The following ARHGAP26 variants were observed in gnomAD, a reference collection of about 807,000 sequenced individuals.
The protein encoded by ARHGAP26 is rho GTPase-activating protein 26.
ARHGAP26 carries 38 observed loss-of-function variants against 104.8 expected under a neutral mutation model. The observed-to-expected ratio is 0.36, with a 90% CI of 0.28 to 0.48. The LOEUF is 0.48. ARHGAP26 is among the 20% of genes least tolerant of loss of function. The pLI is 0.99. For missense variants in ARHGAP26, 704 were observed against 947.9 expected (o/e 0.74, Z 3.38); for synonymous variants, 341 against 340.0 (o/e 1.00, Z -0.03).
At chr5:142,881,131 C>T (rs976033359) in intron 4 of ARHGAP26, among the ~76,000 whole-genome samples, 4 of 152,228 alleles carry the variant, frequency 2.6e-5, no homozygotes, top group African/African-American at 9.6e-5. Context: ...CCGCAGGGCT[C>T]CTCTTGGTGG....
intron 18 of ARHGAP26, 135 bp from the exon 19 acceptor site, chr5:143,133,832 C>G: frequency 1.3e-6 from 1 of 794,672 alleles, no homozygotes; most frequent in Non-Finnish European, 1.9e-6. Flanking sequence ...AAGTCTTGAA[C>G]AACTGCCAGT....
intron 14 of ARHGAP26, among the ~76,000 whole-genome samples, chr5:143,052,758 A>T (rs1785231860): frequency 6.6e-6 from 1 of 152,156 alleles, no homozygotes; most frequent in Non-Finnish European, 1.5e-5. Context: ...TTCTATTTGG[A>T]TGAAAGTGGT....
At chr5:143,009,045 C>T (rs114341532) in intron 11 of ARHGAP26, among the ~76,000 whole-genome samples, 4,191 of 152,128 alleles carry the variant, frequency 0.028, 70 homozygotes, top group South Asian at 0.045. Context: ...ATTGCAGTGC[C>T]CTGTGATTTG....
chr5:142,865,477 A>C lies in ARHGAP26; in HGVS notation c.155-7923A>C, dbSNP rs557029131. 1.3e-4 allele frequency among the ~76,000 whole-genome samples: 18 copies of C among 142,760 alleles called. 2 individuals are homozygous for C. In the East Asian group the frequency reaches 4.3e-3, roughly 34 times the overall value. The allele number at this position is 142,760 out of a possible 152,430, so 93.7% of individuals were successfully genotyped here. On this transcript the variant is annotated intron_variant, in intron 1 of 22. Coordinates refer to ENST00000645722, the MANE Select transcript of ARHGAP26 (RefSeq NM_001135608.3). ...GAACTTGGAGTTTTCAACACGGAGAAGTTTTTTTTTTTTTTTTTTTTTTTG... is the reference window on the plus strand; with the variant it reads ...GAACTTGGAGTTTTCAACACGGAGACGTTTTTTTTTTTTTTTTTTTTTTTG...
Position 142,949,184 on chromosome 5 carries a change from A to AGAGAGAGAGAGAGAGAGAGAG in ARHGAP26, c.1107+17060_1107+17080dup, listed in dbSNP as rs1767718021. ...AATTTCCAGAGAGAGAGAGAGAGAG[A>AGAGAGAGAGAGAGAGAGAGAG]GAGAGAGAGAGAGAGAGAGAGAGAG... is the stretch of plus-strand genomic sequence containing the variant. On this transcript the variant is annotated intron_variant, in intron 11 of 22. Coordinates refer to ENST00000645722, the MANE Select transcript of ARHGAP26 (RefSeq NM_001135608.3). 2.6e-4 allele frequency among the ~76,000 whole-genome samples: 6 copies of AGAGAGAGAGAGAGAGAGAGAG among 23,432 alleles called. 1 individual carries two copies. Among genetic ancestry groups the AGAGAGAGAGAGAGAGAGAGAG allele is most frequent in the South Asian group, 2.7e-3 (1 of 374 alleles). The allele number at this position is 23,432 out of a possible 152,430, so 15.4% of individuals were successfully genotyped here.
chr5:143,056,316 C>CTTTT lies in ARHGAP26; in HGVS notation c.1432+251_1432+254dup, dbSNP rs10672936. Among the ~76,000 whole-genome samples the CTTTT allele has an allele frequency of 1.1e-3, 85 of 80,058 alleles. 1 individual carries two copies. The highest frequency in any genetic ancestry group is 2.0e-3 in the African/African-American group (43 of 20,986). The allele number at this position is 80,058 out of a possible 152,430, so 52.5% of individuals were successfully genotyped here. ...AGCAGAGGACAGAAACTTCAGAAGT[C>CTTTT]TTTTTTTTTTTTTTTTTTTTTTTTG... On this transcript the variant is annotated intron_variant, in intron 16 of 22. Coordinates refer to ENST00000645722, the MANE Select transcript of ARHGAP26 (RefSeq NM_001135608.3).
At chr5:142,869,144 C>T (rs1249588527) in intron 1 of ARHGAP26, among the ~76,000 whole-genome samples, 4 of 152,014 alleles carry the variant, frequency 2.6e-5, no homozygotes, top group Non-Finnish European at 5.9e-5. Context: ...CAAGTTCTAA[C>T]CTCAATGATG....
At chr5:143,087,930 T>G (rs1418174611) in intron 17 of ARHGAP26, among the ~76,000 whole-genome samples, 1 of 152,182 alleles carries the variant, frequency 6.6e-6, no homozygotes, top group East Asian at 1.9e-4. Context: ...ATTACAGGCA[T>G]GAGCCACCAC....
rs947234071 is a variant in ARHGAP26, at chr5:143,166,156, G to T, written c.1988+18775G>T. The T allele has an allele frequency of 1.7e-5, 21 of 1,202,138 alleles. No homozygotes were observed. In the South Asian group the frequency reaches 2.8e-4, roughly 16 times the overall value. The allele number at this position is 1,202,138 out of a possible 1,614,324, so 74.5% of individuals were successfully genotyped here. ...ATATCTCAATTAAAGAATAACACAC[G>T]CCCTTCCCCTAACTCATCTAGAACA... On this transcript the variant is annotated intron_variant, in intron 20 of 22. Coordinates refer to ENST00000645722, the MANE Select transcript of ARHGAP26 (RefSeq NM_001135608.3).
intron 11 of ARHGAP26, among the ~76,000 whole-genome samples, chr5:143,007,757 T>C (rs1778195265): frequency 6.6e-6 from 1 of 152,252 alleles, no homozygotes; most frequent in East Asian, 1.9e-4. Context: ...AAACGCTTAG[T>C]ATGGTGTTTG....
intron 20 of ARHGAP26, among the ~76,000 whole-genome samples, chr5:143,155,453 T>C (rs1181463291): frequency 6.6e-6 from 1 of 152,218 alleles, no homozygotes; most frequent in Non-Finnish European, 1.5e-5. Context: ...TGGTTGAGGG[T>C]GGAAATTCCT....
intron 19 of ARHGAP26, among the ~76,000 whole-genome samples, chr5:143,141,147 A>G (rs975878442): frequency 1.6e-4 from 25 of 152,330 alleles, no homozygotes; most frequent in African/African-American, 5.3e-4. Context: ...TGGGTTAACT[A>G]TGTGTAATTA....
intron 14 of ARHGAP26, among the ~76,000 whole-genome samples, chr5:143,047,817 TTTTTG>T: frequency 6.6e-6 from 1 of 152,258 alleles, no homozygotes; most frequent in Admixed American, 6.5e-5. Flanking sequence ...AAAAAAATTT[TTTTTG>T]TTTTATTTTT....
intron 20 of ARHGAP26, among the ~76,000 whole-genome samples, chr5:143,200,450 T>C (rs1807521197): frequency 6.6e-6 from 1 of 152,014 alleles, no homozygotes; most frequent in South Asian, 2.1e-4. Flanking sequence ...AATAAGAAAA[T>C]GGTTACAGAA....
intron 1 of ARHGAP26, among the ~76,000 whole-genome samples, chr5:142,867,677 G>A (rs1476444739): frequency 1.3e-5 from 2 of 152,106 alleles, no homozygotes; most frequent in Non-Finnish European, 2.9e-5. Context: ...AGCTTCCTTG[G>A]TATAGGTGAG....
chr5:143,012,556 T>TATA lies in ARHGAP26; in HGVS notation c.1108-1523_1108-1521dup, dbSNP rs1778975948. Among the ~76,000 whole-genome samples, 3 of 59,110 alleles carry TATA rather than the reference T, an allele frequency of 5.1e-5. 1 individual carries two copies. The highest frequency in any genetic ancestry group is 1.2e-4 in the Non-Finnish European group (3 of 24,368). 38.8% of individuals were successfully genotyped at this position (59,110 alleles called of 152,430 possible). A position where few individuals can be genotyped will look rare whatever the true frequency, so the allele number is the denominator to read the frequency against. On this transcript the variant is annotated intron_variant, in intron 11 of 22. Transcript: ENST00000645722. Reference sequence around the variant, plus strand: ...ATATATTTATATACATACATACATATATATATATATATATATATATTATGA... The same window carrying TATA: ...ATATATTTATATACATACATACATATATAATATATATATATATATATATTATGA...
intron 20 of ARHGAP26, among the ~76,000 whole-genome samples, chr5:143,156,066 C>T (rs1212310684): frequency 6.6e-6 from 1 of 152,072 alleles, no homozygotes; most frequent in Non-Finnish European, 1.5e-5. Flanking sequence ...CATTGTTATG[C>T]CTGTGAGGGA....
chr5:143,185,970 G>A (rs1435417147), intron 20 of ARHGAP26, among the ~76,000 whole-genome samples: 1 of 152,184 alleles, frequency 6.6e-6, no homozygotes, highest in African/African-American at 2.4e-5. Context: ...AAAGAGCCAG[G>A]ATTTAGCTTC....
At position 142,771,139 on chromosome 5, in the gene ARHGAP26, C is replaced by T; in HGVS notation, c.154+224C>T. On this transcript the variant is annotated intron_variant, in intron 1 of 22. Coordinates refer to ENST00000645722, the MANE Select transcript of ARHGAP26 (RefSeq NM_001135608.3). ...TCCGCCTTTTGCGTTCAGGGATGGT[C>T]GGGAGGTGACCCAGCGCGGGTGGTG... The T allele has an allele frequency of 3.1e-6, 4 of 1,300,968 alleles. No homozygotes were observed. In the South Asian group the frequency reaches 6.7e-5, roughly 22 times the overall value. 80.6% of individuals were successfully genotyped at this position (1,300,968 alleles called of 1,614,324 possible).
Sources: gnomAD v4.1 joint callset for allele counts (sites outside exome capture counted in the v4.1 genomes callset) on GRCh38, gnomAD v4.1.1 for gene constraint, MANE v1.5 for transcripts, NCBI Gene and HGNC (gene_info 2026-07-23, HGNC 2026-07-21) for gene names.